The following PDE4B variants were observed in gnomAD, a reference collection of about 807,000 sequenced individuals.
PDE4B encodes 3',5'-cyclic-AMP phosphodiesterase 4B.
In PDE4B, 20 loss-of-function variants were observed where a neutral mutation model predicts 82.2. That is an observed-to-expected ratio of 0.24 (90% CI 0.17 to 0.35). The LOEUF (loss-of-function observed/expected upper bound fraction) is 0.35, where lower values mean the gene tolerates loss of function less well. PDE4B is among the 10% of genes least tolerant of loss of function. The pLI, the probability that PDE4B is intolerant of heterozygous loss-of-function variation, is 1.00. For synonymous variants in PDE4B, 320 were observed against 318.9 expected, an observed-to-expected ratio of 1.00 and a Z score of -0.04; for missense variants, 655 against 907.2, an observed-to-expected ratio of 0.72 and a Z score of 3.57.
intron 3 of PDE4B, among the ~76,000 whole-genome samples, chr1:66,021,217 C>T (rs573237789): frequency 6.6e-6 from 1 of 152,246 alleles, no homozygotes; most frequent in South Asian, 2.1e-4. Context: ...TGGATATTAG[C>T]CCTTTGTCAG....
intron 3 of PDE4B, among the ~76,000 whole-genome samples, chr1:66,203,488 C>A (rs1649218892): frequency 6.6e-6 from 1 of 152,188 alleles, no homozygotes; most frequent in African/African-American, 2.4e-5. Flanking sequence ...GTACACCAAT[C>A]AGACGTAGAT....
At chr1:65,826,388 A>C (rs900253117) in intron 1 of PDE4B, among the ~76,000 whole-genome samples, 1 of 152,172 alleles carries the variant, frequency 6.6e-6, no homozygotes, top group Admixed American at 6.5e-5. Flanking sequence ...AGTGTGGCCT[A>C]GCATGGTAGT....
chr1:66,295,635 G>T (rs1299289533), intron 7 of PDE4B, among the ~76,000 whole-genome samples: 2 of 152,110 alleles, frequency 1.3e-5, no homozygotes, highest in African/African-American at 2.4e-5. Context: ...CACCATGTTG[G>T]CCAGGCTGGT....
At chr1:66,313,424 A>G (rs941084134) in intron 7 of PDE4B, among the ~76,000 whole-genome samples, 1 of 152,050 alleles carries the variant, frequency 6.6e-6, no homozygotes, top group Non-Finnish European at 1.5e-5. Flanking sequence ...GGTTCTTTCT[A>G]TTTCGTGGAG....
chr1:65,968,760 A>G (rs1027366345), intron 3 of PDE4B, among the ~76,000 whole-genome samples: 2 of 152,176 alleles, frequency 1.3e-5, no homozygotes, highest in African/African-American at 4.8e-5. Flanking sequence ...GCAGTTAGTA[A>G]CTTATGTTTT....
At chr1:65,969,755 G>A (rs528909940) in intron 3 of PDE4B, among the ~76,000 whole-genome samples, 2 of 152,018 alleles carry the variant, frequency 1.3e-5, no homozygotes, top group Non-Finnish European at 2.9e-5. Flanking sequence ...AAAGAAGAAA[G>A]GTTAGGTCAT....
At chr1:66,294,076 G>C (rs1657314424) in intron 7 of PDE4B, among the ~76,000 whole-genome samples, 1 of 152,056 alleles carries the variant, frequency 6.6e-6, no homozygotes. Flanking sequence ...TGTGGTGGCA[G>C]GTGCCTGTAA....
At chr1:66,293,153 G>T (rs1657229774) in intron 7 of PDE4B, among the ~76,000 whole-genome samples, 1 of 152,110 alleles carries the variant, frequency 6.6e-6, no homozygotes, top group South Asian at 2.1e-4. Context: ...GGTCCTTGAG[G>T]TCAGGCGGGG....
In PDE4B at chr1:66,214,992, CA is replaced by C. The variant is rs1433000640; in HGVS notation, c.282-32467del. 1.2e-4 allele frequency among the ~76,000 whole-genome samples: 19 copies of C among 152,060 alleles called. No individual in the cohort carries two copies. The East Asian group carries it at 3.7e-3, about 29-fold the overall frequency. On this transcript the variant is annotated intron_variant, in intron 3 of 16. Coordinates refer to ENST00000341517, the MANE Select transcript of PDE4B (RefSeq NM_002600.4). ...GTGGTAGGGGTTAAAAAGTGAAGAGCAGTGGGTAAAGATGAGAGAAAAAAGT... is the reference window on the plus strand; with the variant it reads ...GTGGTAGGGGTTAAAAAGTGAAGAGCGTGGGTAAAGATGAGAGAAAAAAGT...
intron 3 of PDE4B, among the ~76,000 whole-genome samples, chr1:66,022,407 A>G (rs1005516793): frequency 6.6e-6 from 1 of 152,172 alleles, no homozygotes; most frequent in African/African-American, 2.4e-5. Context: ...GAATGCTTCC[A>G]GTTTGTGCCC....
At chr1:66,147,796 G>T (rs17128450) in intron 3 of PDE4B, among the ~76,000 whole-genome samples, 13,487 of 152,194 alleles carry the variant, frequency 0.089, 1,285 homozygotes, top group African/African-American at 0.23. Flanking sequence ...AGCCAGACTT[G>T]TAAGGAGCTC....
intron 3 of PDE4B, among the ~76,000 whole-genome samples, chr1:66,127,620 A>G (rs1645850056): frequency 6.6e-6 from 1 of 152,170 alleles, no homozygotes; most frequent in South Asian, 2.1e-4. Context: ...TACCCTAAAA[A>G]TAGTATATAA....
intron 3 of PDE4B, among the ~76,000 whole-genome samples, chr1:66,188,393 T>C (rs1354720220): frequency 6.6e-6 from 1 of 151,774 alleles, no homozygotes; most frequent in Non-Finnish European, 1.5e-5. Flanking sequence ...GTATCCTTGT[T>C]AACTTTCTGT....
chr1:66,011,863 T>C (rs1012290306), intron 3 of PDE4B, among the ~76,000 whole-genome samples: 5 of 152,114 alleles, frequency 3.3e-5, no homozygotes, highest in Admixed American at 1.3e-4. Context: ...AGATGTATAA[T>C]AGAAATTAGC....
chr1:65,813,913 A>G (rs1417579388), intron 1 of PDE4B, among the ~76,000 whole-genome samples: 1 of 138,940 alleles, frequency 7.2e-6, no homozygotes, highest in East Asian at 2.0e-4. Context: ...AAAAAAAAAA[A>G]CAACAGTTGA....
chr1:66,203,646 C>T (rs1001473594), intron 3 of PDE4B, among the ~76,000 whole-genome samples: 4 of 152,168 alleles, frequency 2.6e-5, no homozygotes, highest in Non-Finnish European at 5.9e-5. Context: ...GCATCGGCTC[C>T]TGAGGCTTCT....
intron 7 of PDE4B, among the ~76,000 whole-genome samples, chr1:66,269,267 T>C (rs1262738420): frequency 1.3e-5 from 2 of 152,190 alleles, no homozygotes; most frequent in Non-Finnish European, 2.9e-5. Flanking sequence ...ATCTAAGAAG[T>C]TGGCATTTAG....
intron 3 of PDE4B, among the ~76,000 whole-genome samples, chr1:66,074,349 T>G (rs1656310512): frequency 6.6e-6 from 1 of 152,138 alleles, no homozygotes; most frequent in Non-Finnish European, 1.5e-5. Flanking sequence ...TAGTGCTGAT[T>G]AAGCACTATT....
At chr1:66,112,345 T>C (rs1025719593) in intron 3 of PDE4B, among the ~76,000 whole-genome samples, 8 of 152,202 alleles carry the variant, frequency 5.3e-5, no homozygotes, top group Non-Finnish European at 1.2e-4. Context: ...AAATTATTGA[T>C]TGAATGTCTG....
Sources: allele counts gnomAD v4.1 joint callset (sites outside exome capture counted in the v4.1 genomes callset), GRCh38; gene constraint gnomAD v4.1.1; transcripts MANE v1.5; gene names NCBI Gene and HGNC (gene_info 2026-07-23, HGNC 2026-07-21).